CAMTA1: variants seen among roughly 807,000 people sequenced by gnomAD.
CAMTA1 encodes the protein calmodulin binding transcription activator 1.
CAMTA1 carries 27 observed loss-of-function variants against 170.9 expected under a neutral mutation model. The ratio of observed to expected loss-of-function variants is 0.16; its 90% CI spans 0.12 to 0.22. The LOEUF is 0.22. Ranked by LOEUF, CAMTA1 falls within the 10% of genes least tolerant of loss-of-function variation. The pLI, the probability that CAMTA1 is intolerant of heterozygous loss-of-function variation, is 1.00. For synonymous variants in CAMTA1, 833 were observed against 891.5 expected (o/e 0.93, Z 1.17); for missense variants, 1,619 against 2,217.2 (o/e 0.73, Z 5.42).
In CAMTA1 at chr1:7,580,544, A is replaced by G. The variant is rs1249380470; in HGVS notation, c.511-59856A>G. On this transcript the variant is annotated intron_variant, in intron 6 of 22. Coordinates refer to ENST00000303635, the MANE Select transcript of CAMTA1 (RefSeq NM_015215.4). This position sits in a 1 kb window ranked among gnomAD's most constrained non-coding sequence, Gnocchi z 4.3. The stretch of plus-strand genomic sequence containing the variant: ...TCTTCCCATGAGCCAGGTGGCAGAC[A>G]GGACACCCGCACATGGAGGAACCAC... Among the ~76,000 whole-genome samples the G allele has an allele frequency of 6.6e-6, 1 of 152,122 alleles. No homozygotes were observed. Among genetic ancestry groups the G allele is most frequent in the Non-Finnish European group, 1.5e-5 (1 of 68,006 alleles).
At position 7,680,250 on chromosome 1, in the gene CAMTA1, C is replaced by G; in HGVS notation, c.2914+2517C>G. The G allele has an allele frequency of 8.4e-6, 2 of 237,624 alleles. 1 individual carries two copies. Among genetic ancestry groups the G allele is most frequent in the South Asian group, 6.9e-5 (2 of 28,810 alleles). 14.7% of individuals were successfully genotyped at this position (237,624 alleles called of 1,614,324 possible). ...CCGTTCCCCGCCTGTCCCTCCCGGC[C>G]CCTCCCCTCGGTCTCCGCAGCTTCT... is the stretch of plus-strand genomic sequence containing the variant. On this transcript the variant is annotated intron_variant, in intron 11 of 22. Transcript: ENST00000303635. This position sits in a 1 kb window ranked among gnomAD's most constrained non-coding sequence, Gnocchi z 4.4.
intron 6 of CAMTA1, among the ~76,000 whole-genome samples, chr1:7,492,608 C>CACAT (rs2093724091): frequency 8.6e-6 from 1 of 116,432 alleles, no homozygotes; most frequent in African/African-American, 4.2e-5. Context: ...TGCACACACA[C>CACAT]ACACAAATGT....
At chr1:7,412,701 A>G (rs983978738) in intron 5 of CAMTA1, among the ~76,000 whole-genome samples, 2 of 151,880 alleles carry the variant, frequency 1.3e-5, no homozygotes, top group Non-Finnish European at 2.9e-5. Flanking sequence ...CCCATTTTGT[A>G]GGTTGCCTGT....
chr1:7,626,038 A>G (rs1232636252), intron 6 of CAMTA1, among the ~76,000 whole-genome samples: 1 of 152,240 alleles, frequency 6.6e-6, no homozygotes, highest in South Asian at 2.1e-4. Flanking sequence ...GTTAACCCCC[A>G]GTCACTCCTT....
intron 4 of CAMTA1, among the ~76,000 whole-genome samples, chr1:7,161,618 T>C (rs1235367258): frequency 6.6e-6 from 1 of 152,216 alleles, no homozygotes; most frequent in Admixed American, 6.5e-5. Flanking sequence ...ATGTAAGACA[T>C]GACTTGCTCT....
At chr1:7,019,009 G>C (rs551087550) in intron 3 of CAMTA1, among the ~76,000 whole-genome samples, 1 of 152,270 alleles carries the variant, frequency 6.6e-6, no homozygotes, top group Non-Finnish European at 1.5e-5. Flanking sequence ...CTGGTTCTGT[G>C]CACCTCCATC....
At chr1:6,960,398 A>C (rs1376824073) in intron 3 of CAMTA1, among the ~76,000 whole-genome samples, 1 of 152,104 alleles carries the variant, frequency 6.6e-6, no homozygotes, top group South Asian at 2.1e-4. Context: ...CCTCCAGGGC[A>C]GGGAGTCATT....
intron 3 of CAMTA1, among the ~76,000 whole-genome samples, chr1:6,968,504 T>G (rs1446448412): frequency 6.6e-6 from 1 of 152,198 alleles, no homozygotes; most frequent in Non-Finnish European, 1.5e-5. Flanking sequence ...GTGTGCCTAC[T>G]GCGTGCCAGG....
At position 6,949,882 on chromosome 1, in the gene CAMTA1, A is replaced by G. The variant is rs1315646705; in HGVS notation, c.234+124672A>G. Among the ~76,000 whole-genome samples the G allele has an allele frequency of 5.3e-5, 8 of 152,336 alleles. 1 individual carries two copies. In the East Asian group the frequency reaches 1.5e-3, roughly 29 times the overall value. On this transcript the variant is annotated intron_variant, in intron 3 of 22. Coordinates refer to ENST00000303635, the MANE Select transcript of CAMTA1 (RefSeq NM_015215.4). Reference sequence around the variant, plus strand: ...TGCGTCATTATCTCATCTGGTCCTCACTGCCAGCCTCCGGGATGCTGGCTG... The same window carrying G: ...TGCGTCATTATCTCATCTGGTCCTCGCTGCCAGCCTCCGGGATGCTGGCTG...
At chr1:7,545,568 T>A (rs906171148) in intron 6 of CAMTA1, among the ~76,000 whole-genome samples, 1 of 152,210 alleles carries the variant, frequency 6.6e-6, no homozygotes, top group Non-Finnish European at 1.5e-5. Context: ...AGTTTGGTTT[T>A]GTCTGATGTT....
At chr1:6,791,112 C>CTTTTTTTTTTTTTTTTT (rs35656164) in intron 1 of CAMTA1, among the ~76,000 whole-genome samples, 1 of 129,126 alleles carries the variant, frequency 7.7e-6, no homozygotes. Context: ...GTACCCTGTC[C>CTTTTTTTTTTTTTTTTT]TTTTTTTTTT....
At chr1:7,715,408 C>G (rs1298627880) in intron 11 of CAMTA1, among the ~76,000 whole-genome samples, 1 of 151,508 alleles carries the variant, frequency 6.6e-6, no homozygotes, top group Non-Finnish European at 1.5e-5. Flanking sequence ...TGGATGAAGT[C>G]AAGCTGCATC....
chr1:7,706,267 A>G (rs2096524327), intron 11 of CAMTA1, among the ~76,000 whole-genome samples: 1 of 152,232 alleles, frequency 6.6e-6, no homozygotes, highest in Admixed American at 6.5e-5. Context: ...TCAGATAACT[A>G]CAGAAATGCC....
chr1:6,977,313 G>A (rs556378398), intron 3 of CAMTA1, among the ~76,000 whole-genome samples: 1 of 152,126 alleles, frequency 6.6e-6, no homozygotes, highest in African/African-American at 2.4e-5. Flanking sequence ...TTATGTTGGA[G>A]CCAAGTACTG....
At chr1:7,597,921 A>C (rs533063835) in intron 6 of CAMTA1, among the ~76,000 whole-genome samples, 1 of 150,272 alleles carries the variant, frequency 6.7e-6, no homozygotes, top group Admixed American at 6.6e-5. Flanking sequence ...TGCTGCGACT[A>C]TCAACCCGTC....
At chr1:6,974,845 G>A (rs553524548) in intron 3 of CAMTA1, among the ~76,000 whole-genome samples, 1 of 152,306 alleles carries the variant, frequency 6.6e-6, no homozygotes, top group South Asian at 2.1e-4. Flanking sequence ...CTTGGGCTTA[G>A]ACGGCCTTTT....
At chr1:7,364,947 G>A (rs1046952786) in intron 5 of CAMTA1, among the ~76,000 whole-genome samples, 1 of 152,276 alleles carries the variant, frequency 6.6e-6, no homozygotes, top group African/African-American at 2.4e-5. Context: ...CAGGGGAATG[G>A]CGGTGGCCAT....
intron 4 of CAMTA1, among the ~76,000 whole-genome samples, chr1:7,111,145 G>A (rs1644013241): frequency 6.6e-6 from 1 of 152,150 alleles, no homozygotes; most frequent in Non-Finnish European, 1.5e-5. Flanking sequence ...CCTCTCCTGA[G>A]TCCCCCTTCT....
intron 5 of CAMTA1, among the ~76,000 whole-genome samples, chr1:7,407,248 G>C (rs1399531723): frequency 6.6e-6 from 1 of 152,216 alleles, no homozygotes; most frequent in Non-Finnish European, 1.5e-5. Flanking sequence ...AACTGACTTG[G>C]GGGGCTCATG....
Sources: gnomAD v4.1 joint callset for allele counts (sites outside exome capture counted in the v4.1 genomes callset) on GRCh38, gnomAD v4.1.1 for gene constraint, Gnocchi (gnomAD v3.1) non-coding constraint, MANE v1.5 for transcripts, NCBI Gene and HGNC (gene_info 2026-07-23, HGNC 2026-07-21) for gene names.